GPHN: variants seen among roughly 807,000 people sequenced by gnomAD.
GPHN encodes gephyrin.
In GPHN, 17 loss-of-function variants were observed where a neutral mutation model predicts 95.5. The observed-to-expected ratio is 0.18, with a 90% confidence interval of 0.12 to 0.27. The LOEUF is 0.27. Among genes scored for constraint, GPHN ranks in the 10% least tolerant of loss-of-function variants. The pLI is 1.00. For missense variants in GPHN, 660 were observed against 978.1 expected, an observed-to-expected ratio of 0.67 and a Z score of 4.34; for synonymous variants, 320 against 322.5, an observed-to-expected ratio of 0.99 and a Z score of 0.08.
At chr14:66,625,075 C>CT (rs1039474475) in intron 1 of GPHN, among the ~76,000 whole-genome samples, 3 of 151,674 alleles carry the variant, frequency 2.0e-5, no homozygotes, top group Admixed American at 6.6e-5. Flanking sequence ...GGAAACTTGT[C>CT]TTTTTTTTTC....
chr14:66,825,427 T>G (rs1360304882), intron 4 of GPHN, among the ~76,000 whole-genome samples: 1 of 152,162 alleles, frequency 6.6e-6, no homozygotes, highest in African/African-American at 2.4e-5. Flanking sequence ...AAATAATTAC[T>G]GGCCTTCTTA....
chr14:67,087,995 T>C (rs1252622346), intron 11 of GPHN, among the ~76,000 whole-genome samples: 3 of 152,196 alleles, frequency 2.0e-5, no homozygotes, highest in African/African-American at 7.2e-5. Flanking sequence ...TTGGCACTAG[T>C]TCAAATTTCT....
At chr14:67,169,296 T>G (rs974641052) in intron 21 of GPHN, among the ~76,000 whole-genome samples, 1 of 152,038 alleles carries the variant, frequency 6.6e-6, no homozygotes, top group African/African-American at 2.4e-5. Flanking sequence ...AAAACTTGAG[T>G]GATACTTAAG....
the GPHN span, among the ~76,000 whole-genome samples, chr14:67,712,387 C>A: frequency 3.0e-4 from 45 of 148,790 alleles, 1 homozygote; most frequent in African/African-American, 1.1e-3. Context: ...AAAGACATTT[C>A]TAAGTGTCTA....
chr14:66,798,681 T>A (rs1046680914), intron 3 of GPHN, among the ~76,000 whole-genome samples: 1 of 151,888 alleles, frequency 6.6e-6, no homozygotes, highest in East Asian at 1.9e-4. Flanking sequence ...TTGATTGTAT[T>A]TATTTGGATC....
At chr14:67,335,313 A>G in the GPHN span, 1 of 152,224 alleles carries the variant, frequency 6.6e-6, no homozygotes, top group Non-Finnish European at 1.5e-5. Context: ...GCCTTGCTGT[A>G]CACCTAGTTG....
At chr14:66,937,569 AG>A (rs1555445783) in intron 8 of GPHN, among the ~76,000 whole-genome samples, 1 of 151,856 alleles carries the variant, frequency 6.6e-6, no homozygotes. Flanking sequence ...TAGTACAGAC[AG>A]GGTTTCACCA....
At chr14:66,589,167 A>G (rs1234800562) in intron 1 of GPHN, among the ~76,000 whole-genome samples, 1 of 152,222 alleles carries the variant, frequency 6.6e-6, no homozygotes, top group Non-Finnish European at 1.5e-5. Context: ...AAAATCCTTT[A>G]CAGACAAGCA....
intron 1 of GPHN, among the ~76,000 whole-genome samples, chr14:66,561,200 C>A (rs2060224719): frequency 6.6e-6 from 1 of 152,130 alleles, no homozygotes; most frequent in South Asian, 2.1e-4. Context: ...GGTCTAAAAT[C>A]TCTTTTTTGG....
chr14:67,033,345 C>T (rs1362717369), intron 10 of GPHN, among the ~76,000 whole-genome samples: 1 of 152,174 alleles, frequency 6.6e-6, no homozygotes, highest in Non-Finnish European at 1.5e-5. Flanking sequence ...AGGCGGATCA[C>T]TTGAGTCCAG....
chr14:67,320,981 T>C, the GPHN span: 1 of 1,229,008 alleles, frequency 8.1e-7, no homozygotes, highest in Non-Finnish European at 1.2e-6. Flanking sequence ...ATAGAAATTC[T>C]TTCTGACTAG....
chr14:67,305,001 T>G, the GPHN span, among the ~76,000 whole-genome samples: 1 of 152,214 alleles, frequency 6.6e-6, no homozygotes. Flanking sequence ...CATACGGAAG[T>G]TGATATTGTA....
At chr14:67,710,467 G>A in the GPHN span, among the ~76,000 whole-genome samples, 212 of 152,112 alleles carry the variant, frequency 1.4e-3, 4 homozygotes, top group East Asian at 0.033. Context: ...GACATGCTTG[G>A]ACTTTCCAGT....
chr14:67,402,759 C>T, the GPHN span, among the ~76,000 whole-genome samples: 4 of 152,204 alleles, frequency 2.6e-5, no homozygotes, highest in Non-Finnish European at 5.9e-5. Context: ...GACAGGATCT[C>T]ATTCTTTTTT....
At chr14:66,586,372 A>G (rs1464056435) in intron 1 of GPHN, among the ~76,000 whole-genome samples, 1 of 152,174 alleles carries the variant, frequency 6.6e-6, no homozygotes, top group Non-Finnish European at 1.5e-5. Flanking sequence ...TAATTGGAGC[A>G]TTTAGCCCAT....
chr14:66,820,169 A>T (rs1248731485), intron 3 of GPHN, among the ~76,000 whole-genome samples: 1 of 152,022 alleles, frequency 6.6e-6, no homozygotes, highest in Non-Finnish European at 1.5e-5. Context: ...CTTCCCACCT[A>T]CCCTCTCCTT....
the GPHN span, among the ~76,000 whole-genome samples, chr14:67,715,996 C>A: frequency 6.6e-6 from 1 of 152,010 alleles, no homozygotes; most frequent in Admixed American, 6.5e-5. Context: ...GAGATAGAGA[C>A]CATCCTGGCT....
the GPHN span, among the ~76,000 whole-genome samples, chr14:67,406,288 G>A: frequency 3.9e-5 from 6 of 152,012 alleles, no homozygotes; most frequent in Non-Finnish European, 7.4e-5. Flanking sequence ...TAACTTTTGG[G>A]ATAATTTGTT....
rs1410887434 is a variant in GPHN, at chr14:67,023,625, T to A, written c.964-8T>A. 4 of 1,612,618 alleles carry A rather than the reference T, an allele frequency of 2.5e-6. No homozygotes were observed. Among genetic ancestry groups the A allele is most frequent in the Non-Finnish European group, 3.4e-6 (4 of 1,178,658 alleles). On this transcript the variant is annotated splice_region_variant and splice_polypyrimidine_tract_variant and intron_variant, in intron 9 of 22. Coordinates refer to ENST00000478722, the MANE Select transcript of GPHN (RefSeq NM_020806.5). The stretch of plus-strand genomic sequence containing the variant: ...CCCTAAATTACTGAGTTTATGCTCT[T>A]TCTACAGGTCCAGTCCAGGTGCAGC...
Sources: gnomAD v4.1 joint callset for allele counts (sites outside exome capture counted in the v4.1 genomes callset) on GRCh38, gnomAD v4.1.1 for gene constraint, MANE v1.5 for transcripts, NCBI Gene and HGNC (gene_info 2026-07-23, HGNC 2026-07-21) for gene names.